WDFY3: variants seen among roughly 807,000 people sequenced by gnomAD.
The protein encoded by WDFY3 is WD repeat and FYVE domain-containing protein 3.
WDFY3 carries 66 observed loss-of-function variants against 409.6 expected under a neutral mutation model. That is an observed-to-expected ratio of 0.16 (90% CI 0.13 to 0.20). WDFY3 has a LOEUF of 0.20. Among genes scored for constraint, WDFY3 ranks in the 10% least tolerant of loss-of-function variants. The probability of loss-of-function intolerance (pLI) is 1.00; values close to 1 mark genes in which losing one functional copy is unlikely to be tolerated. For missense variants in WDFY3, 3,031 were observed against 4,298.1 expected (o/e 0.71, Z 8.24); for synonymous variants, 1,521 against 1,537.1 (o/e 0.99, Z 0.25).
chr4:84,965,891 G>A (rs546260417), intron 1 of WDFY3: 1 of 152,460 alleles, frequency 6.6e-6, no homozygotes, highest in African/African-American at 2.4e-5. Flanking sequence ...CCTATCCCCC[G>A]AAATATCCCG....
At chr4:84,845,994 A>C (rs567018107) in intron 5 of WDFY3, among the ~76,000 whole-genome samples, 1 of 152,318 alleles carries the variant, frequency 6.6e-6, no homozygotes, top group African/African-American at 2.4e-5. Flanking sequence ...AGACAATAAA[A>C]TTAAATAAGT....
chr4:84,810,354 A>G lies in WDFY3; in HGVS notation c.1888-10T>C. ...GGACCGACAGGAGGGCCTACAGGAG[A>G]CAAAAGAAAAAACAAATGAAAATAC... On this transcript the variant is annotated splice_polypyrimidine_tract_variant and intron_variant, in intron 13 of 67. Transcript: ENST00000295888. The G allele has an allele frequency of 6.5e-7, 1 of 1,529,792 alleles. No homozygotes were observed. Among genetic ancestry groups the G allele is most frequent in the Non-Finnish European group, 8.7e-7 (1 of 1,146,928 alleles). The allele number at this position is 1,529,792 out of a possible 1,614,324, so 94.8% of individuals were successfully genotyped here.
chr4:84,931,875 T>C (rs1045051411), intron 2 of WDFY3, among the ~76,000 whole-genome samples: 2 of 152,102 alleles, frequency 1.3e-5, no homozygotes, highest in African/African-American at 2.4e-5. Context: ...AACTAGTCAC[T>C]CAAAGAAACT....
chr4:84,786,198 T>C, intron 23 of WDFY3, 59 bp from the exon 24 acceptor site: 1 of 1,485,858 alleles, frequency 6.7e-7, no homozygotes, highest in Non-Finnish European at 9.0e-7. Flanking sequence ...TAAAGTAAGT[T>C]TTTTATTCTT....
At chr4:84,899,349 GC>G (rs1436299562) in intron 2 of WDFY3, among the ~76,000 whole-genome samples, 2 of 152,174 alleles carry the variant, frequency 1.3e-5, no homozygotes, top group Admixed American at 1.3e-4. Context: ...AATTAGGTGA[GC>G]TTGCTGCGTG....
chr4:84,900,441 G>A (rs750901567), intron 2 of WDFY3, among the ~76,000 whole-genome samples: 4 of 152,028 alleles, frequency 2.6e-5, no homozygotes, highest in Non-Finnish European at 5.9e-5. Context: ...GCCCAGGCTG[G>A]TCTCAAACTC....
At chr4:84,773,712 C>T (rs1745067536) in intron 29 of WDFY3, among the ~76,000 whole-genome samples, 1 of 152,098 alleles carries the variant, frequency 6.6e-6, no homozygotes, top group African/African-American at 2.4e-5. Flanking sequence ...TTTAGATCTG[C>T]CACCAGATTT....
At chr4:84,854,304 A>T (rs1759448133) in intron 4 of WDFY3, among the ~76,000 whole-genome samples, 1 of 152,180 alleles carries the variant, frequency 6.6e-6, no homozygotes, top group Non-Finnish European at 1.5e-5. Flanking sequence ...ATTTTGTATA[A>T]GAGGAAAAAT....
intron 27 of WDFY3, 63 bp downstream of exon 27, chr4:84,778,440 A>G: frequency 1.5e-6 from 2 of 1,371,264 alleles, no homozygotes; most frequent in Non-Finnish European, 9.6e-7. Context: ...AATAGTTTAT[A>G]ATCATATGGA....
chr4:84,930,390 A>C (rs1353918289), intron 2 of WDFY3, among the ~76,000 whole-genome samples: 3 of 152,206 alleles, frequency 2.0e-5, no homozygotes, highest in African/African-American at 7.2e-5. Context: ...TGATAATAAT[A>C]ATGATGTGCC....
intron 5 of WDFY3, among the ~76,000 whole-genome samples, chr4:84,846,346 C>T (rs1262547857): frequency 6.6e-6 from 1 of 151,824 alleles, no homozygotes; most frequent in Non-Finnish European, 1.5e-5. Flanking sequence ...TAAGAGTCTA[C>T]GATTATTTTA....
Position 84,715,360 on chromosome 4 carries a change from A to T in WDFY3, c.7899T>A (p.Ser2633=). Residue 2633 remains serine, a synonymous_variant, in exon 50 of 68, where the codon TCT becomes TCA. Coordinates refer to ENST00000295888, the MANE Select transcript of WDFY3 (RefSeq NM_014991.6). ...CAAGGAGGTAATTCCGTCCATCTCC[A>T]GAGAAAACTTCCACAGCAATAGGCT... ...LLQPIAVEVF[S]GDGRNYLLAF... is the part of the protein sequence containing the mutation. The T allele has an allele frequency of 6.2e-7, 1 of 1,608,318 alleles. No individual in the cohort carries two copies. Among genetic ancestry groups the T allele is most frequent in the Non-Finnish European group, 8.5e-7 (1 of 1,175,086 alleles).
rs778614846 is a variant in WDFY3, at chr4:84,786,005, A to G, written c.4036T>C (p.Leu1346=). Residue 1346 remains leucine (L), a synonymous_variant, in exon 24 of 68, where the codon TTG becomes CTG. Transcript: ENST00000295888. ...VARIRKVYNK[L]DSKAIAKQLG... Reference sequence around the variant, plus strand: ...TGCTTAGCAATGGCTTTGCTATCCAATTTGTTATACACTTTCCGGATTCTT... The same window carrying G: ...TGCTTAGCAATGGCTTTGCTATCCAGTTTGTTATACACTTTCCGGATTCTT... The G allele has an allele frequency of 1.2e-6, 2 of 1,613,844 alleles. No homozygotes were observed. The highest frequency in any genetic ancestry group is 2.2e-5 in the South Asian group (2 of 91,036).
intron 12 of WDFY3, among the ~76,000 whole-genome samples, chr4:84,819,310 C>A (rs1381134687): frequency 3.3e-5 from 5 of 151,926 alleles, no homozygotes; most frequent in Non-Finnish European, 5.9e-5. Flanking sequence ...GCTGAGTTTC[C>A]CTGCATTCAG....
chr4:84,876,006 C>A (rs1488388167), intron 3 of WDFY3, among the ~76,000 whole-genome samples: 1 of 152,136 alleles, frequency 6.6e-6, no homozygotes, highest in Non-Finnish European at 1.5e-5. Flanking sequence ...CTACATAAAC[C>A]AGTAACATGG....
chr4:84,808,496 C>CAAGAAATGCCAGTAAAAGTTTAAT, intron 14 of WDFY3, 79 bp from the exon 15 acceptor site: 1 of 1,142,816 alleles, frequency 8.8e-7, no homozygotes, highest in African/African-American at 1.5e-5. Context: ...GTTAGTTTCA[C>CAAGAAATGCCAGTAAAAGTTTAAT]AAGAAATGCC....
chr4:84,871,041 A>G (rs955020918), intron 3 of WDFY3, among the ~76,000 whole-genome samples: 1 of 152,194 alleles, frequency 6.6e-6, no homozygotes, highest in African/African-American at 2.4e-5. Flanking sequence ...GAGCAACAGC[A>G]TATTTAAAGT....
rs572994054 is a variant in WDFY3 at position 84,688,769 on chromosome 4, C to T, written c.9364-504G>A. Among the ~76,000 whole-genome samples, 16 of 152,160 alleles carry T rather than the reference C, an allele frequency of 1.1e-4. No homozygotes were observed. The East Asian group carries it at 3.1e-3, about 29-fold the overall frequency. Reference sequence around the variant, plus strand: ...CCACATGGCTGTAGCACGTGGTCTACAATAGACAAAGCGAGAATGTAGTCC... The same window carrying T: ...CCACATGGCTGTAGCACGTGGTCTATAATAGACAAAGCGAGAATGTAGTCC... On this transcript the variant is annotated intron_variant, in intron 61 of 67. Transcript: ENST00000295888.
chr4:84,961,557 TAAC>T (rs1354501376), intron 1 of WDFY3, among the ~76,000 whole-genome samples: 1 of 152,192 alleles, frequency 6.6e-6, no homozygotes, highest in Non-Finnish European at 1.5e-5. Flanking sequence ...AAAGTAATTT[TAAC>T]AACATGAAAG....
Sources: allele counts gnomAD v4.1 joint callset (sites outside exome capture counted in the v4.1 genomes callset), GRCh38; gene constraint gnomAD v4.1.1; transcripts MANE v1.5; gene names NCBI Gene and HGNC (gene_info 2026-07-23, HGNC 2026-07-21).